Variants in TXN2 observed in about 807,000 individuals in gnomAD.
TXN2 encodes the protein thioredoxin 2, also known as thioredoxin, mitochondrial.
In TXN2, 12 loss-of-function variants were observed where a neutral mutation model predicts 14.6. The ratio of observed to expected loss-of-function variants is 0.82; its 90% CI spans 0.53 to 1.33. The LOEUF is 1.33. TXN2 is among the 40% of genes most tolerant of loss of function. The probability of loss-of-function intolerance (pLI) is 0.00; values close to 1 mark genes in which losing one functional copy is unlikely to be tolerated. For missense variants in TXN2, 173 were observed against 207.7 expected, an observed-to-expected ratio of 0.83 and a Z score of 1.03; for synonymous variants, 89 against 81.0, an observed-to-expected ratio of 1.10 and a Z score of -0.53.
At chr22:36,478,526 G>C (rs1230579676) in intron 2 of TXN2, among the ~76,000 whole-genome samples, 1 of 152,164 alleles carries the variant, frequency 6.6e-6, no homozygotes, top group African/African-American at 2.4e-5. Flanking sequence ...GTCTCACTCT[G>C]TTGCCCAGGC....
Position 36,480,670 on chromosome 22 carries a change from C to A in TXN2, c.168G>T (p.Arg56Ser), listed in dbSNP as rs61730813. The A allele has an allele frequency of 6.2e-7, 1 of 1,614,150 alleles. No homozygotes were observed. Among genetic ancestry groups the A allele is most frequent in the Non-Finnish European group, 8.5e-7 (1 of 1,180,042 alleles). Residue 56 changes from arginine to serine, a missense_variant, in exon 2 of 4, where the codon AGG (arginine) becomes AGT (serine). Transcript: ENST00000216185. The part of the protein sequence containing the change: ...PNPARTIYTT[R>S]ISLTTFNIQD... ...GGATATTAAAGGTTGTCAAGGAGAT[C>A]CTCGTGGTGTATATTGTCCGGGCTG...
chr22:36,476,866 C>A lies in TXN2; in HGVS notation c.264-10G>T. On this transcript the variant is annotated splice_polypyrimidine_tract_variant and intron_variant, in intron 2 of 3. Transcript: ENST00000216185. ...GCAGGGTCCACACCACCTCAAAAGG[C>A]GAGAAAGGAAGCATCCAGTCAGTCA... 1 of 1,614,112 alleles carries A rather than the reference C, an allele frequency of 6.2e-7. No individual in the cohort carries two copies. The highest frequency in any genetic ancestry group is 1.3e-5 in the African/African-American group (1 of 75,048).
intron 3 of TXN2, among the ~76,000 whole-genome samples, chr22:36,475,967 C>T (rs555726727): frequency 3.3e-5 from 5 of 152,140 alleles, no homozygotes; most frequent in African/African-American, 1.2e-4. Flanking sequence ...GCAAACAGTC[C>T]CTTCTTCCTT....
In TXN2 at chr22:36,467,764, G is replaced by C; in HGVS notation, c.*40C>G. 1.3e-6 allele frequency: 2 copies of C among 1,529,842 alleles called. No homozygotes were observed. The highest frequency in any genetic ancestry group is 1.8e-6 in the Non-Finnish European group (2 of 1,104,922). The allele number at this position is 1,529,842 out of a possible 1,614,324, so 94.8% of individuals were successfully genotyped here. ...CATGGAAGGGCTGAGTTCTATTGGG[G>C]TCCCACGCGGGCAAGGGAACCAGGA... On this transcript the variant is annotated 3_prime_UTR_variant, in exon 4 of 4. Transcript: ENST00000216185.
At chr22:36,479,882 CTT>C (rs113981716) in intron 2 of TXN2, among the ~76,000 whole-genome samples, 7,142 of 139,822 alleles carry the variant, frequency 0.051, 530 homozygotes, top group African/African-American at 0.17. Context: ...ACACCGATAA[CTT>C]TTTTTTTTTT....
Position 36,480,726 on chromosome 22 carries a change from T to A in TXN2, c.112A>T (p.Ser38Cys). ...GGTGTTACAGTCAGGCCACCAGGAC[T>A]GCATTGTGGGGTCTGCAGGGCTCTG... ...TSRALQTPQC[S>C]PGGLTVTPNP... Residue 38 changes from serine to cysteine, a missense_variant, in exon 2 of 4, where the codon AGT (serine) becomes TGT (cysteine). Physicochemically the swap from Ser to Cys is moderately radical, Grantham distance 112. Coordinates refer to ENST00000216185, the MANE Select transcript of TXN2 (RefSeq NM_012473.4). The A allele has an allele frequency of 6.2e-7, 1 of 1,614,102 alleles. No homozygotes were observed. Among genetic ancestry groups the A allele is most frequent in the Non-Finnish European group, 8.5e-7 (1 of 1,180,018 alleles).
chr22:36,474,818 C>T (rs983791870), intron 3 of TXN2, among the ~76,000 whole-genome samples: 15 of 152,214 alleles, frequency 9.9e-5, no homozygotes, highest in African/African-American at 3.6e-4. Flanking sequence ...CAGCTCCGTA[C>T]TCGGCCCTTC....
chr22:36,468,657 T>C (rs1373036633), intron 3 of TXN2: 2 of 450,416 alleles, frequency 4.4e-6, no homozygotes, highest in Non-Finnish European at 8.9e-6. Context: ...CCTGGGAGAC[T>C]GAGGCTTCAG....
At chr22:36,478,720 T>C (rs1244676309) in intron 2 of TXN2, among the ~76,000 whole-genome samples, 1 of 152,136 alleles carries the variant, frequency 6.6e-6, no homozygotes, top group Admixed American at 6.5e-5. Context: ...CCTAGCACTC[T>C]GGGAGGCCAA....
At chr22:36,471,875 CAGG>C (rs1933284181) in intron 3 of TXN2, among the ~76,000 whole-genome samples, 3 of 150,906 alleles carry the variant, frequency 2.0e-5, no homozygotes, top group Admixed American at 6.7e-5. Context: ...GAGGCTGAGG[CAGG>C]AGAAGTGCTT....
intron 3 of TXN2, among the ~76,000 whole-genome samples, chr22:36,469,898 C>A (rs1933238433): frequency 6.6e-6 from 1 of 152,090 alleles, no homozygotes; most frequent in African/African-American, 2.4e-5. Context: ...AGAGGTTGCA[C>A]TGAGCTGAGA....
intron 3 of TXN2, among the ~76,000 whole-genome samples, chr22:36,472,661 G>C (rs560549833): frequency 1.3e-5 from 2 of 152,236 alleles, no homozygotes; most frequent in African/African-American, 2.4e-5. Context: ...AGTGACTGCT[G>C]GGGGGTTAAG....
rs539159090 is a variant in TXN2 at position 36,469,435 on chromosome 22, G to A, written c.388-1518C>T. Among the ~76,000 whole-genome samples, 6 of 152,348 alleles carry A rather than the reference G, an allele frequency of 3.9e-5. No individual in the cohort carries two copies. The South Asian group carries it at 1.2e-3, about 32-fold the overall frequency. On this transcript the variant is annotated intron_variant, in intron 3 of 3. Transcript: ENST00000216185. ...CTCAGGGACTTCTACTGGACAGCAT[G>A]AGAGGAGAGGCTTGGCCATACACAA...
intron 3 of TXN2, among the ~76,000 whole-genome samples, chr22:36,474,249 G>A (rs1464492855): frequency 6.6e-6 from 1 of 152,146 alleles, no homozygotes; most frequent in Non-Finnish European, 1.5e-5. Flanking sequence ...TCCCAAAGCA[G>A]GCCTGCTCCA....
chr22:36,475,236 G>A (rs1603488669), intron 3 of TXN2, among the ~76,000 whole-genome samples: 1 of 8,542 alleles, frequency 1.2e-4, no homozygotes, highest in East Asian at 3.5e-4. Flanking sequence ...AAAATTAGCC[G>A]GCGTGGTGGC....
chr22:36,471,004 G>A (rs1170633868), intron 3 of TXN2, among the ~76,000 whole-genome samples: 3 of 151,952 alleles, frequency 2.0e-5, no homozygotes, highest in Non-Finnish European at 2.9e-5. Context: ...CACACTACCC[G>A]CACTAGGGGC....
chr22:36,476,112 G>A (rs1157646349), intron 3 of TXN2, among the ~76,000 whole-genome samples: 4 of 152,096 alleles, frequency 2.6e-5, no homozygotes, highest in African/African-American at 7.2e-5. Context: ...TTGGCACATC[G>A]AGCTCCCAAA....
intron 3 of TXN2, among the ~76,000 whole-genome samples, chr22:36,474,339 C>T (rs1475811307): frequency 1.3e-5 from 2 of 152,156 alleles, no homozygotes; most frequent in Non-Finnish European, 2.9e-5. Context: ...ACTGATGTTC[C>T]TTTGGGTAAT....
chr22:36,467,556 C>A lies in TXN2; in HGVS notation c.*248G>T, dbSNP rs1254031449. ...CACATCCTGGGAGAACTGCCATAGGCCCTAGAAGGAGGGATGAAAGGCGTA... is the reference window on the plus strand; with the variant it reads ...CACATCCTGGGAGAACTGCCATAGGACCTAGAAGGAGGGATGAAAGGCGTA... On this transcript the variant is annotated 3_prime_UTR_variant, in exon 4 of 4. Coordinates refer to ENST00000216185, the MANE Select transcript of TXN2 (RefSeq NM_012473.4). 6.2e-6 allele frequency: 3 copies of A among 483,542 alleles called. No individual in the cohort carries two copies. Among genetic ancestry groups the A allele is most frequent in the Non-Finnish European group, 1.1e-5 (3 of 262,194 alleles). 30.0% of individuals were successfully genotyped at this position (483,542 alleles called of 1,614,324 possible). A position where few individuals can be genotyped will look rare whatever the true frequency, so the allele number is the denominator to read the frequency against.
Sources: allele counts gnomAD v4.1 joint callset (sites outside exome capture counted in the v4.1 genomes callset), GRCh38; gene constraint gnomAD v4.1.1; transcripts MANE v1.5; gene names NCBI Gene and HGNC (gene_info 2026-07-23, HGNC 2026-07-21).